The following RBFOX1 variants were observed in gnomAD, a reference collection of about 807,000 sequenced individuals.
RBFOX1 encodes RNA binding fox-1 homolog 1.
In RBFOX1, 8 loss-of-function variants were observed where a neutral mutation model predicts 57.7. The ratio of observed to expected loss-of-function variants is 0.14; its 90% CI spans 0.08 to 0.25. The LOEUF (loss-of-function observed/expected upper bound fraction) is 0.25. Among genes scored for constraint, RBFOX1 ranks in the 10% least tolerant of loss-of-function variants. The pLI, the probability that RBFOX1 is intolerant of heterozygous loss-of-function variation, is 1.00. For synonymous variants in RBFOX1, 326 were observed against 222.4 expected (o/e 1.47, Z -4.15); for missense variants, 611 against 548.5 (o/e 1.11, Z -1.14).
intron 3 of RBFOX1, among the ~76,000 whole-genome samples, chr16:5,692,417 G>C (rs1410063954): frequency 1.3e-5 from 2 of 151,974 alleles, no homozygotes; most frequent in South Asian, 2.1e-4. Flanking sequence ...GATGAGTTCT[G>C]CTAACCACTG....
intron 1 of RBFOX1, among the ~76,000 whole-genome samples, chr16:5,292,370 G>T (rs2063556106): frequency 6.6e-6 from 1 of 152,164 alleles, no homozygotes; most frequent in Admixed American, 6.5e-5. Flanking sequence ...CAAATCAATT[G>T]GCAGAAATGT....
intron 4 of RBFOX1, among the ~76,000 whole-genome samples, chr16:7,208,421 T>G (rs1048332312): frequency 6.6e-6 from 1 of 152,146 alleles, no homozygotes; most frequent in Non-Finnish European, 1.5e-5. Context: ...AGCATCTGCT[T>G]CCGGTGAGGA....
chr16:6,714,354 A>G lies in RBFOX1; in HGVS notation c.-16+59704A>G, dbSNP rs79107861. Among the ~76,000 whole-genome samples, 138 of 152,284 alleles carry G rather than the reference A, an allele frequency of 9.1e-4. No individual in the cohort carries two copies. In the Middle Eastern group the frequency reaches 0.01, roughly 11 times the overall value. On this transcript the variant is annotated intron_variant, in intron 3 of 15. Transcript: ENST00000550418. Reference sequence around the variant, plus strand: ...TATTTGGGAGGAAACACTAGTGTTCATGGTGGTGGTGGTAGAAAATGGTGC... The same window carrying G: ...TATTTGGGAGGAAACACTAGTGTTCGTGGTGGTGGTGGTAGAAAATGGTGC...
At chr16:6,634,111 ACTATAT>A (rs1163669715) in intron 2 of RBFOX1, among the ~76,000 whole-genome samples, 1 of 152,058 alleles carries the variant, frequency 6.6e-6, no homozygotes, top group Non-Finnish European at 1.5e-5. Context: ...ATACACACAG[ACTATAT>A]CTATATTCTA....
intron 14 of RBFOX1, among the ~76,000 whole-genome samples, chr16:7,703,602 G>T (rs1321536174): frequency 6.6e-6 from 1 of 152,140 alleles, no homozygotes; most frequent in Non-Finnish European, 1.5e-5. Flanking sequence ...TTAAAACCCT[G>T]GTGTGGAGTA....
chr16:6,676,127 GACACACACACACGCGCACACACACAC>G (rs1303372793), intron 3 of RBFOX1, among the ~76,000 whole-genome samples: 1 of 125,492 alleles, frequency 8.0e-6, no homozygotes, highest in Non-Finnish European at 1.6e-5. Context: ...CTGCCTAGGG[GACACACACACACGCGCACACACACAC>G]ACACACACAC....
At chr16:5,712,687 GCAGAGTCCAGATTTTAA>G (rs762717831) in intron 3 of RBFOX1, among the ~76,000 whole-genome samples, 4 of 152,240 alleles carry the variant, frequency 2.6e-5, no homozygotes, top group East Asian at 1.9e-4. Flanking sequence ...TTCATAAATA[GCAGAGTCCAGATTTTAA>G]CAGAGTCCAG....
Position 7,264,893 on chromosome 16 carries a change from C to G in RBFOX1, c.27+212795C>G, listed in dbSNP as rs142467896. ...ACATGACTATTTGAGACATTTACCC[C>G]CAGTCCACCTTCCCACAGAAAGATC... On this transcript the variant is annotated intron_variant, in intron 4 of 15. Coordinates refer to ENST00000550418, the MANE Select transcript of RBFOX1 (RefSeq NM_018723.4). Among the ~76,000 whole-genome samples, 1,343 of 152,284 alleles carry G rather than the reference C, an allele frequency of 8.8e-3. 11 individuals are homozygous for G. Among genetic ancestry groups the G allele is most frequent in the South Asian group, 0.021 (102 of 4,822 alleles).
chr16:6,802,725 A>T (rs1357642825), intron 3 of RBFOX1, among the ~76,000 whole-genome samples: 2 of 152,170 alleles, frequency 1.3e-5, no homozygotes, highest in South Asian at 2.1e-4. Flanking sequence ...ATATTCCTTT[A>T]TTCATTTCGG....
chr16:7,108,187 C>G (rs2063955157), intron 4 of RBFOX1, among the ~76,000 whole-genome samples: 1 of 152,134 alleles, frequency 6.6e-6, no homozygotes, highest in South Asian at 2.1e-4. Context: ...TCTGATGGTT[C>G]AGAACAGTCT....
intron 4 of RBFOX1, among the ~76,000 whole-genome samples, chr16:7,215,439 C>T (rs2091877731): frequency 1.3e-5 from 2 of 152,116 alleles, no homozygotes; most frequent in African/African-American, 4.8e-5. Flanking sequence ...CAATGATAGA[C>T]TGGATAAGGA....
chr16:5,490,284 A>G (rs891123879), intron 2 of RBFOX1, among the ~76,000 whole-genome samples: 2 of 152,206 alleles, frequency 1.3e-5, no homozygotes, highest in Admixed American at 1.3e-4. Context: ...TACATGCTTC[A>G]TTTCATTAAG....
At chr16:7,191,714 G>A (rs995385978) in intron 4 of RBFOX1, among the ~76,000 whole-genome samples, 1 of 152,188 alleles carries the variant, frequency 6.6e-6, no homozygotes, top group Non-Finnish European at 1.5e-5. Context: ...TTGTTTTAAA[G>A]AAACAAAAAT....
rs186106382 is a variant in RBFOX1, at chr16:6,123,788, C to T, written c.-127+103796C>T. ...GGCATGTTGGCACATGCCTGTAATC[C>T]CAGCTCCTCAGGAGGCTGAGGTCCA... On this transcript the variant is annotated intron_variant, in intron 1 of 15. Coordinates refer to ENST00000550418, the MANE Select transcript of RBFOX1 (RefSeq NM_018723.4). 4.7e-3 allele frequency among the ~76,000 whole-genome samples: 710 copies of T among 152,174 alleles called. 6 individuals are homozygous for T. Among genetic ancestry groups the T allele is most frequent in the Admixed American group, 0.021 (318 of 15,296 alleles).
rs189194519 is a variant in RBFOX1, at chr16:6,604,256, G to C, written c.-63-50347G>C. 7.6e-4 allele frequency among the ~76,000 whole-genome samples: 115 copies of C among 151,864 alleles called. 1 individual carries two copies. In the East Asian group the frequency reaches 0.013, roughly 18 times the overall value. Reference sequence around the variant, plus strand: ...TGATAGGTGCACCATGTCTATCAAAGCCATCAAAATGGCTATTTTAGAAAA... The same window carrying C: ...TGATAGGTGCACCATGTCTATCAAACCCATCAAAATGGCTATTTTAGAAAA... On this transcript the variant is annotated intron_variant, in intron 2 of 15. Coordinates refer to ENST00000550418, the MANE Select transcript of RBFOX1 (RefSeq NM_018723.4).
chr16:6,337,802 C>T (rs912561962), intron 2 of RBFOX1, among the ~76,000 whole-genome samples: 5 of 152,170 alleles, frequency 3.3e-5, no homozygotes, highest in Non-Finnish European at 5.9e-5. Context: ...CACGTTGAGA[C>T]GAATCCTCCT....
chr16:5,641,389 G>T (rs1231539227), intron 3 of RBFOX1, among the ~76,000 whole-genome samples: 2 of 152,246 alleles, frequency 1.3e-5, no homozygotes, highest in African/African-American at 4.8e-5. Flanking sequence ...GATACCTGCT[G>T]CAGTGTCCAG....
chr16:5,961,160 A>G (rs2059740272), intron 4 of RBFOX1, among the ~76,000 whole-genome samples: 1 of 141,798 alleles, frequency 7.1e-6, no homozygotes, highest in Non-Finnish European at 1.5e-5. Context: ...CTCTCCAAGA[A>G]TTTTGAGCCT....
intron 3 of RBFOX1, among the ~76,000 whole-genome samples, chr16:5,615,489 C>G (rs1050718050): frequency 6.6e-6 from 1 of 152,198 alleles, no homozygotes; most frequent in Admixed American, 6.5e-5. Context: ...TAGCCTTTAG[C>G]CTCTCCCCAT....
Sources: gnomAD v4.1 joint callset for allele counts (sites outside exome capture counted in the v4.1 genomes callset) on GRCh38, gnomAD v4.1.1 for gene constraint, MANE v1.5 for transcripts, NCBI Gene and HGNC (gene_info 2026-07-23, HGNC 2026-07-21) for gene names.